ATP6V0A4: variants seen among roughly 807,000 people sequenced by gnomAD.
ATP6V0A4 encodes the protein ATPase H+ transporting V0 subunit a4.
In ATP6V0A4, 86 loss-of-function variants were observed where a neutral mutation model predicts 107.3. The observed-to-expected ratio is 0.80, with a 90% CI of 0.67 to 0.96. ATP6V0A4 has a LOEUF of 0.96. Among genes scored for constraint, ATP6V0A4 ranks in the 40% least tolerant of loss-of-function variants. ATP6V0A4 has a pLI of 0.00. For missense variants in ATP6V0A4, 908 were observed against 1,045.6 expected (o/e 0.87, Z 1.81); for synonymous variants, 353 against 381.4 (o/e 0.93, Z 0.87).
chr7:138,778,219 CA>C (rs896292951), intron 2 of ATP6V0A4, among the ~76,000 whole-genome samples: 1 of 151,748 alleles, frequency 6.6e-6, no homozygotes, highest in Non-Finnish European at 1.5e-5. Flanking sequence ...ACTAAAAATA[CA>C]AAAAAATTAG....
intron 2 of ATP6V0A4, among the ~76,000 whole-genome samples, chr7:138,782,680 A>T (rs1807976879): frequency 6.6e-6 from 1 of 152,216 alleles, no homozygotes; most frequent in East Asian, 1.9e-4. Flanking sequence ...GCTGAGAAAG[A>T]TCTGGAGGTT....
intron 2 of ATP6V0A4, among the ~76,000 whole-genome samples, chr7:138,784,730 T>C (rs1340684205): frequency 6.6e-6 from 1 of 152,190 alleles, no homozygotes; most frequent in Non-Finnish European, 1.5e-5. Flanking sequence ...GCAGAATCAA[T>C]CCTCTATATT....
chr7:138,728,630 C>A, intron 18 of ATP6V0A4, 131 bp downstream of exon 18: 1 of 1,225,824 alleles, frequency 8.2e-7, no homozygotes, highest in Non-Finnish European at 1.2e-6. Flanking sequence ...ATACTCAGGG[C>A]GGGTCAGTTC....
In ATP6V0A4 at chr7:138,706,414, T is replaced by A. The variant is rs897446123; in HGVS notation, c.*210A>T. ...ATTATTTGAGAATTAATACCCCACA[T>A]GAAGACAATATCACTTGCCAAAGTC... On this transcript the variant is annotated 3_prime_UTR_variant, in exon 22 of 22. Transcript: ENST00000310018. 1.7e-6 allele frequency: 1 copy of A among 591,674 alleles called. No individual in the cohort carries two copies. Among genetic ancestry groups the A allele is most frequent in the Admixed American group, 2.8e-5 (1 of 36,214 alleles). 36.7% of individuals were successfully genotyped at this position (591,674 alleles called of 1,614,324 possible).
intron 9 of ATP6V0A4, 167 bp from the exon 10 acceptor site, chr7:138,755,949 C>A: frequency 8.1e-7 from 1 of 1,238,426 alleles, no homozygotes; most frequent in Non-Finnish European, 1.1e-6. Context: ...ATAAGGGTTC[C>A]CAGTACGTCA....
chr7:138,726,947 C>A (rs894536339), intron 18 of ATP6V0A4, among the ~76,000 whole-genome samples: 56 of 151,860 alleles, frequency 3.7e-4, no homozygotes, highest in African/African-American at 1.4e-3. Flanking sequence ...TTGTGTGGTA[C>A]AAAGAGCAAG....
rs6949028 is a variant in ATP6V0A4, at chr7:138,784,320, G to A, written c.-18+1838C>T. Among the ~76,000 whole-genome samples, 1,080 of 121,608 alleles carry A rather than the reference G, an allele frequency of 8.9e-3. 21 individuals are homozygous for A. The highest frequency in any genetic ancestry group is 0.036 in the African/African-American group (1,004 of 27,802). 79.8% of individuals were successfully genotyped at this position (121,608 alleles called of 152,430 possible). A position where few individuals can be genotyped will look rare whatever the true frequency, so the allele number is the denominator to read the frequency against. On this transcript the variant is annotated intron_variant, in intron 2 of 21. Transcript: ENST00000310018. Reference sequence around the variant, plus strand: ...CACACACACACACATATATATATATGTATTTTTTTTTTTTTTGAGATGGAG... The same window carrying A: ...CACACACACACACATATATATATATATATTTTTTTTTTTTTTGAGATGGAG...
chr7:138,727,137 A>G (rs1028674784), intron 18 of ATP6V0A4, among the ~76,000 whole-genome samples: 4 of 124,374 alleles, frequency 3.2e-5, no homozygotes, highest in Non-Finnish European at 6.8e-5. Context: ...AAAAAAAAAA[A>G]TGCTGAGCCA....
chr7:138,741,466 C>A (rs1016275101), intron 14 of ATP6V0A4, among the ~76,000 whole-genome samples: 2 of 152,194 alleles, frequency 1.3e-5, no homozygotes, highest in African/African-American at 4.8e-5. Context: ...AAGGAACTGG[C>A]CTGGCACCCA....
At chr7:138,715,326 G>A (rs535902137) in intron 20 of ATP6V0A4, among the ~76,000 whole-genome samples, 77 of 152,096 alleles carry the variant, frequency 5.1e-4, no homozygotes, top group Non-Finnish European at 1.0e-3. Flanking sequence ...TTCAGTCTCC[G>A]AGTAGCTAGA....
In ATP6V0A4 at chr7:138,769,098, A is replaced by G. The variant is rs1397012636; in HGVS notation, c.196+75T>C. On this transcript the variant is annotated intron_variant, in intron 4 of 21. Transcript: ENST00000310018. ...GCAAATAGGGACACATTTGTTCATT[A>G]AGTCCTGCAAACTATTAACCCCCTT... 2.4e-5 allele frequency: 39 copies of G among 1,599,462 alleles called. No individual in the cohort carries two copies. The Middle Eastern group carries it at 5.0e-4, about 20-fold the overall frequency.
At chr7:138,788,858 C>A (rs997616258) in intron 1 of ATP6V0A4, among the ~76,000 whole-genome samples, 21 of 152,180 alleles carry the variant, frequency 1.4e-4, no homozygotes, top group Non-Finnish European at 1.6e-4. Flanking sequence ...TCTCCTTTGC[C>A]TTCTGCCATG....
At chr7:138,715,635 G>A in intron 20 of ATP6V0A4, 129 bp downstream of exon 20, 2 of 1,346,928 alleles carry the variant, frequency 1.5e-6, no homozygotes, top group Non-Finnish European at 1.0e-6. Flanking sequence ...GCCTGGGAAA[G>A]AAGAGTCATT....
At chr7:138,767,392 G>A (rs1375021513) in intron 5 of ATP6V0A4, among the ~76,000 whole-genome samples, 8 of 152,056 alleles carry the variant, frequency 5.3e-5, no homozygotes, top group South Asian at 2.1e-4. Flanking sequence ...GCGTGGTGGC[G>A]CATGCCTGTA....
chr7:138,719,752 G>A (rs943293920), intron 19 of ATP6V0A4, among the ~76,000 whole-genome samples: 1 of 152,158 alleles, frequency 6.6e-6, no homozygotes, highest in Non-Finnish European at 1.5e-5. Flanking sequence ...AGGCACGGTG[G>A]CTCACGCCTG....
At chr7:138,781,572 C>T (rs963313538) in intron 2 of ATP6V0A4, among the ~76,000 whole-genome samples, 2 of 152,154 alleles carry the variant, frequency 1.3e-5, no homozygotes, top group Non-Finnish European at 2.9e-5. Context: ...CCTCGTGATC[C>T]ACCCACCCTG....
chr7:138,747,737 A>G, intron 12 of ATP6V0A4, 173 bp from the exon 13 acceptor site: 1 of 1,065,292 alleles, frequency 9.4e-7, no homozygotes, highest in Admixed American at 2.8e-5. Context: ...AAATGAGTGC[A>G]TCTGTTCCTA....
At chr7:138,755,479 C>G (rs552472993) in intron 10 of ATP6V0A4, among the ~76,000 whole-genome samples, 2 of 152,156 alleles carry the variant, frequency 1.3e-5, no homozygotes, top group Non-Finnish European at 2.9e-5. Context: ...TGACCCTGGG[C>G]AAAGCATTCT....
At chr7:138,711,206 T>TA (rs1428089915) in intron 20 of ATP6V0A4, among the ~76,000 whole-genome samples, 1 of 152,054 alleles carries the variant, frequency 6.6e-6, no homozygotes, top group South Asian at 2.1e-4. Flanking sequence ...GGGAATGTTT[T>TA]AAAAGGCCCT....
Sources: allele counts gnomAD v4.1 joint callset (sites outside exome capture counted in the v4.1 genomes callset), GRCh38; gene constraint gnomAD v4.1.1; transcripts MANE v1.5; gene names NCBI Gene and HGNC (gene_info 2026-07-23, HGNC 2026-07-21).